The following SORCS3 variants were observed in gnomAD, a reference collection of about 807,000 sequenced individuals.
SORCS3 encodes VPS10 domain-containing receptor SorCS3.
SORCS3 carries 57 observed loss-of-function variants against 146.3 expected under a neutral mutation model. The observed-to-expected ratio is 0.39, with a 90% CI of 0.31 to 0.49. The LOEUF (loss-of-function observed/expected upper bound fraction) is 0.49, where lower values mean the gene tolerates loss of function less well. Ranked by LOEUF, SORCS3 falls within the 20% of genes least tolerant of loss-of-function variation. SORCS3 has a pLI of 0.92. For synonymous variants in SORCS3, 653 were observed against 618.5 expected (o/e 1.06, Z -0.83); for missense variants, 1,341 against 1,575.5 (o/e 0.85, Z 2.52).
intron 16 of SORCS3, among the ~76,000 whole-genome samples, chr10:105,204,911 T>C (rs2056593515): frequency 6.6e-6 from 1 of 152,160 alleles, no homozygotes; most frequent in African/African-American, 2.4e-5. Context: ...ACAAATACAG[T>C]TTGTCTGTTT....
chr10:104,790,569 C>T (rs1220543032), intron 1 of SORCS3, among the ~76,000 whole-genome samples: 3 of 152,138 alleles, frequency 2.0e-5, no homozygotes, highest in African/African-American at 4.8e-5. Context: ...AAATCTCTCT[C>T]CAAGATTTAT....
At chr10:104,953,070 C>A (rs1308543511) in intron 3 of SORCS3, among the ~76,000 whole-genome samples, 2 of 152,080 alleles carry the variant, frequency 1.3e-5, no homozygotes, top group Non-Finnish European at 2.9e-5. Flanking sequence ...AATTGGAAAC[C>A]CCACTCTCTG....
intron 14 of SORCS3, among the ~76,000 whole-genome samples, chr10:105,198,510 C>A (rs1431427139): frequency 6.6e-6 from 1 of 152,126 alleles, no homozygotes; most frequent in Admixed American, 6.6e-5. Flanking sequence ...TTAAAATGGA[C>A]TGACCGCTAT....
At chr10:105,176,347 C>T (rs1221229709) in intron 13 of SORCS3, among the ~76,000 whole-genome samples, 1 of 151,424 alleles carries the variant, frequency 6.6e-6, no homozygotes, top group African/African-American at 2.4e-5. Context: ...AGGTTGAGAC[C>T]AGCCTGGGCA....
chr10:104,884,171 A>G (rs1194507315), intron 2 of SORCS3, among the ~76,000 whole-genome samples: 3 of 152,364 alleles, frequency 2.0e-5, no homozygotes, highest in Non-Finnish European at 2.9e-5. Context: ...AAACATTTTT[A>G]GAAGGACTTA....
At chr10:104,792,417 C>T (rs1201557110) in intron 1 of SORCS3, among the ~76,000 whole-genome samples, 1 of 152,142 alleles carries the variant, frequency 6.6e-6, no homozygotes, top group Non-Finnish European at 1.5e-5. Context: ...CATTGTTGGT[C>T]CCTCTTTGAG....
intron 1 of SORCS3, among the ~76,000 whole-genome samples, chr10:104,717,013 G>A (rs2016486988): frequency 6.6e-6 from 1 of 152,218 alleles, no homozygotes; most frequent in African/African-American, 2.4e-5. Context: ...GCATGGGCCA[G>A]GCACAGTGGC....
chr10:104,917,401 T>C (rs566670303), intron 3 of SORCS3, among the ~76,000 whole-genome samples: 1 of 152,352 alleles, frequency 6.6e-6, no homozygotes, highest in East Asian at 1.9e-4. Flanking sequence ...GTTTATATTG[T>C]ACAACATACT....
At chr10:104,957,860 C>T (rs1038541476) in intron 3 of SORCS3, among the ~76,000 whole-genome samples, 2 of 152,078 alleles carry the variant, frequency 1.3e-5, no homozygotes, top group East Asian at 1.9e-4. Context: ...TCCTCTTCTG[C>T]GTCACGTTGA....
intron 1 of SORCS3, among the ~76,000 whole-genome samples, chr10:104,660,302 C>CTAAT (rs34269803): frequency 0.018 from 4 of 218 alleles, no homozygotes; most frequent in Non-Finnish European, 0.091. Context: ...TATCCTGCAT[C>CTAAT]TGTGCATCCT....
intron 2 of SORCS3, among the ~76,000 whole-genome samples, chr10:104,899,713 CA>C: frequency 6.6e-6 from 1 of 152,288 alleles, no homozygotes; most frequent in East Asian, 1.9e-4. Flanking sequence ...TGTACTTGCT[CA>C]AAATTGTTTT....
chr10:104,768,713 C>A (rs1397304533), intron 1 of SORCS3, among the ~76,000 whole-genome samples: 1 of 152,168 alleles, frequency 6.6e-6, no homozygotes, highest in African/African-American at 2.4e-5. Flanking sequence ...TCTTCAGAAG[C>A]TTCACAAGTC....
At chr10:105,159,587 T>G (rs550366800) in intron 11 of SORCS3, among the ~76,000 whole-genome samples, 1 of 152,338 alleles carries the variant, frequency 6.6e-6, no homozygotes, top group African/African-American at 2.4e-5. Flanking sequence ...CCGGGGAGTA[T>G]GCTCTGATTA....
At chr10:104,722,131 T>C (rs540881332) in intron 1 of SORCS3, among the ~76,000 whole-genome samples, 6 of 152,318 alleles carry the variant, frequency 3.9e-5, no homozygotes, top group African/African-American at 1.4e-4. Flanking sequence ...AGATAGCTCT[T>C]ATTATTTGGA....
intron 2 of SORCS3, among the ~76,000 whole-genome samples, chr10:104,894,480 G>A (rs1193554635): frequency 6.6e-6 from 1 of 152,178 alleles, no homozygotes; most frequent in Non-Finnish European, 1.5e-5. Flanking sequence ...GCTTTAGCAA[G>A]GCAAATTTGA....
chr10:104,905,584 G>A (rs145306962), intron 2 of SORCS3, among the ~76,000 whole-genome samples: 1 of 152,290 alleles, frequency 6.6e-6, no homozygotes, highest in East Asian at 1.9e-4. Flanking sequence ...ATGATTTAGG[G>A]GTTAAAAGAG....
chr10:104,708,242 A>G (rs551727672), intron 1 of SORCS3, among the ~76,000 whole-genome samples: 117 of 152,208 alleles, frequency 7.7e-4, no homozygotes, highest in Non-Finnish European at 1.5e-3. Flanking sequence ...TATACGGAAC[A>G]TTAGCAGCAA....
intron 4 of SORCS3, among the ~76,000 whole-genome samples, chr10:105,011,911 G>A (rs1017615456): frequency 1.3e-5 from 2 of 152,162 alleles, no homozygotes; most frequent in Non-Finnish European, 2.9e-5. Flanking sequence ...TATTGTTATA[G>A]TTGGCCTAAC....
intron 6 of SORCS3, among the ~76,000 whole-genome samples, chr10:105,098,577 C>T (rs1214196321): frequency 6.6e-6 from 1 of 152,148 alleles, no homozygotes; most frequent in Non-Finnish European, 1.5e-5. Flanking sequence ...TCCGTCACTT[C>T]CTAGAGCTGT....
Sources: gnomAD v4.1 joint callset for allele counts (sites outside exome capture counted in the v4.1 genomes callset) on GRCh38, gnomAD v4.1.1 for gene constraint, MANE v1.5 for transcripts, NCBI Gene and HGNC (gene_info 2026-07-23, HGNC 2026-07-21) for gene names.